Variants in TRAF2 observed in about 807,000 individuals in gnomAD.
TRAF2 encodes the protein TNF receptor associated factor 2.
A neutral mutation model predicts 55.6 loss-of-function variants in TRAF2; 6 were observed. That is an observed-to-expected ratio of 0.11 (90% CI 0.06 to 0.21). The LOEUF is 0.21. TRAF2 is among the 10% of genes least tolerant of loss of function. TRAF2 has a pLI of 1.00. For synonymous variants in TRAF2, 329 were observed against 276.3 expected, an observed-to-expected ratio of 1.19 and a Z score of -1.89; for missense variants, 561 against 684.5, an observed-to-expected ratio of 0.82 and a Z score of 2.01.
chr9:136,884,024 C>G (rs1333752063), upstream of TRAF2, among the ~76,000 whole-genome samples: 1 of 151,982 alleles, frequency 6.6e-6, no homozygotes, highest in African/African-American at 2.4e-5. Flanking sequence ...AGGGTTTCAA[C>G]ATGTTGGCCA....
rs142162619 is a variant in TRAF2 at position 136,912,793 on chromosome 9, C to T, written c.603+2799C>T. 5.0e-3 allele frequency among the ~76,000 whole-genome samples: 766 copies of T among 152,166 alleles called. 8 individuals are homozygous for T. Among genetic ancestry groups the T allele is most frequent in the African/African-American group, 0.018 (727 of 41,514 alleles). ...TGGAGGTTGCAGTGAGCTGAGATCGCACCACTGCACTCCAGCCTGGGTGAC... is the reference window on the plus strand; with the variant it reads ...TGGAGGTTGCAGTGAGCTGAGATCGTACCACTGCACTCCAGCCTGGGTGAC... On this transcript the variant is annotated intron_variant, in intron 6 of 10. Coordinates refer to ENST00000247668, the MANE Select transcript of TRAF2 (RefSeq NM_021138.4).
At chr9:136,910,233 C>T (rs1850072236) in intron 6 of TRAF2, 1 of 566,640 alleles carries the variant, frequency 1.8e-6, no homozygotes, top group South Asian at 2.2e-5. Context: ...TACATAGCTG[C>T]TTACTTTTCA....
At chr9:136,905,470 A>AC (rs1849925708) in intron 4 of TRAF2, among the ~76,000 whole-genome samples, 2 of 152,294 alleles carry the variant, frequency 1.3e-5, no homozygotes, top group African/African-American at 4.8e-5. Flanking sequence ...TTTAACAGGG[A>AC]CAGGGTTTCA....
At chr9:136,896,342 C>G (rs191742954) in intron 1 of TRAF2, among the ~76,000 whole-genome samples, 43 of 152,336 alleles carry the variant, frequency 2.8e-4, no homozygotes, top group Middle Eastern at 3.4e-3. Flanking sequence ...GAGGCTGTTG[C>G]GAAGGAGCAG....
intron 6 of TRAF2, among the ~76,000 whole-genome samples, chr9:136,911,651 C>A (rs954897251): frequency 6.6e-6 from 1 of 152,082 alleles, no homozygotes. Flanking sequence ...TCTTGGGCCC[C>A]GCCTGCTTCC....
At chr9:136,914,617 A>T (rs571371274) in intron 6 of TRAF2, among the ~76,000 whole-genome samples, 34 of 152,232 alleles carry the variant, frequency 2.2e-4, no homozygotes, top group African/African-American at 7.9e-4. Context: ...TTCTTACCCA[A>T]CTTCCATGTT....
chr9:136,904,006 T>C (rs1849886658), intron 4 of TRAF2, among the ~76,000 whole-genome samples: 1 of 152,100 alleles, frequency 6.6e-6, no homozygotes, highest in South Asian at 2.1e-4. Flanking sequence ...TTTTGACATT[T>C]CGAGCATGCA....
chr9:136,918,630 C>G (rs990797814), intron 7 of TRAF2, among the ~76,000 whole-genome samples: 1 of 152,128 alleles, frequency 6.6e-6, no homozygotes, highest in South Asian at 2.1e-4. Context: ...AATTTAATTG[C>G]AAAGTCAAGT....
At chr9:136,895,586 G>T (rs549018179) in intron 1 of TRAF2, among the ~76,000 whole-genome samples, 25 of 152,304 alleles carry the variant, frequency 1.6e-4, no homozygotes, top group Non-Finnish European at 3.1e-4. Context: ...CAGGCACGGT[G>T]GCTCCTACCT....
At chr9:136,913,278 GTTC>G (rs1398166916) in intron 6 of TRAF2, among the ~76,000 whole-genome samples, 1 of 135,762 alleles carries the variant, frequency 7.4e-6, no homozygotes, top group Non-Finnish European at 1.6e-5. Context: ...CACATACCAT[GTTC>G]TTATTATAAA....
chr9:136,908,948 G>A (rs1850027959), intron 5 of TRAF2, among the ~76,000 whole-genome samples: 1 of 150,060 alleles, frequency 6.7e-6, no homozygotes, highest in African/African-American at 2.5e-5. Flanking sequence ...TGAGGCAGGA[G>A]AATTGCTTGA....
At chr9:136,888,251 A>G (rs897328632) in intron 1 of TRAF2, among the ~76,000 whole-genome samples, 14 of 152,194 alleles carry the variant, frequency 9.2e-5, no homozygotes, top group Non-Finnish European at 2.1e-4. Context: ...GTGTTCCTGA[A>G]TATTACTCAG....
At chr9:136,917,282 C>T (rs1850265167) in intron 7 of TRAF2, among the ~76,000 whole-genome samples, 1 of 152,228 alleles carries the variant, frequency 6.6e-6, no homozygotes, top group Non-Finnish European at 1.5e-5. Flanking sequence ...TCTTTCCCTC[C>T]CCTCAGCTAT....
chr9:136,895,566 T>C (rs1276751280), intron 1 of TRAF2, among the ~76,000 whole-genome samples: 7 of 152,136 alleles, frequency 4.6e-5, no homozygotes, highest in East Asian at 1.9e-4. Flanking sequence ...ATTTAAATGT[T>C]GGAATGGGCC....
rs562514240 is a variant in TRAF2, at chr9:136,886,737, C to T, written c.-29+196C>T. On this transcript the variant is annotated intron_variant, in intron 1 of 10. Transcript: ENST00000247668. ...TTTCTCTGAGCCGCTGGGCCGGAAA[C>T]CAAGTCCGAGCGTGGCTGGCGCGGG... 114 of 316,822 alleles carry T rather than the reference C, an allele frequency of 3.6e-4. 2 individuals carry two copies. The highest frequency in any genetic ancestry group is 2.4e-3 in the African/African-American group (108 of 44,468). 19.6% of individuals were successfully genotyped at this position (316,822 alleles called of 1,614,324 possible). A position where few individuals can be genotyped will look rare whatever the true frequency, so the allele number is the denominator to read the frequency against.
intron 1 of TRAF2, among the ~76,000 whole-genome samples, chr9:136,888,259 C>CA (rs1849498371): frequency 6.6e-6 from 1 of 152,158 alleles, no homozygotes; most frequent in South Asian, 2.1e-4. Context: ...GAATATTACT[C>CA]AGATGAGCTT....
chr9:136,925,795 G>A lies in TRAF2; in HGVS notation c.1400G>A (p.Ser467Asn), dbSNP rs1303746274. ...CCAGTCAACGACATGAACATCGCAA[G>A]CGGCTGCCCCCTCTTCTGCCCCGTC... ...QRPVNDMNIA[S>N]GCPLFCPVSK... The change falls in exon 11 of 11, where the codon AGC becomes AAC. Residue 467 changes from serine (S) to asparagine (N), a missense_variant. Physicochemically the swap from Ser to Asn is conservative, Grantham distance 46 (BLOSUM62 1). This residue lies in a region of TRAF2 where 135 missense variants were observed against 207.7 expected (regional missense o/e 0.65). Coordinates refer to ENST00000247668, the MANE Select transcript of TRAF2 (RefSeq NM_021138.4). The A allele has an allele frequency of 6.2e-7, 1 of 1,614,254 alleles. No individual in the cohort carries two copies. The highest frequency in any genetic ancestry group is 8.5e-7 in the Non-Finnish European group (1 of 1,180,050).
In TRAF2 at chr9:136,908,117, G is replaced by A. The variant is rs533013634; in HGVS notation, c.414G>A (p.Ala138=). 1.1e-5 allele frequency: 17 copies of A among 1,606,150 alleles called. No homozygotes were observed. The highest frequency in any genetic ancestry group is 4.5e-5 in the East Asian group (2 of 44,886). ...RCPLMLTECP[A]CKGLVRLGEK... ...CGCTCATGCTGACCGAATGTCCCGC[G>A]TGCAAAGGCCTGGTCCGCCTTGGTG... The change falls in exon 5 of 11, where the codon GCG becomes GCA. Residue 138 remains alanine, a synonymous_variant. Transcript: ENST00000247668.
chr9:136,887,061 C>T (rs1450553925), intron 1 of TRAF2, among the ~76,000 whole-genome samples: 1 of 152,130 alleles, frequency 6.6e-6, no homozygotes, highest in Non-Finnish European at 1.5e-5. Flanking sequence ...ACCAGTGAGG[C>T]TGGGGGCGGA....
Sources: gnomAD v4.1 joint callset for allele counts (sites outside exome capture counted in the v4.1 genomes callset) on GRCh38, gnomAD v4.1.1 for gene constraint, gnomAD v4.1.1 regional missense constraint, MANE v1.5 for transcripts, NCBI Gene and HGNC (gene_info 2026-07-23, HGNC 2026-07-21) for gene names.